RPS17: variants seen among roughly 807,000 people sequenced by gnomAD.
RPS17 encodes ribosomal protein S17, also known as small ribosomal subunit protein eS17.
For synonymous variants in RPS17, 75 were observed against 65.6 expected, an observed-to-expected ratio of 1.14 and a Z score of -0.70; for missense variants, 68 against 182.3, an observed-to-expected ratio of 0.37 and a Z score of 3.61.
intron 1 of RPS17, 22 bp from the exon 2 acceptor site, chr15:82,540,154 T>C: frequency 1.9e-6 from 3 of 1,613,616 alleles, no homozygotes; most frequent in Non-Finnish European, 2.5e-6. Flanking sequence ...GAGGACAGGA[T>C]CACTCACGAG....
intron 1 of RPS17, 38 bp from the exon 2 acceptor site, chr15:82,540,170 G>A (rs1184035523): frequency 1.9e-6 from 3 of 1,613,592 alleles, no homozygotes; most frequent in Non-Finnish European, 2.5e-6. Context: ...ACGAGCCAGC[G>A]CAACCTTCTG....
rs1189553993 is a variant in RPS17 at position 82,537,038 on chromosome 15, C to T, written c.328-157G>A. On this transcript the variant is annotated intron_variant, in intron 4 of 4. Transcript: ENST00000647841. ...AGCCAACAGGGTTCTCAATGCCTCC[C>T]ACTTTTCCAGAGTGATCTTCCTTCA... 6 of 757,884 alleles carry T rather than the reference C, an allele frequency of 7.9e-6. No homozygotes were observed. The African/African-American group carries it at 1.0e-4, about 13-fold the overall frequency. The allele number at this position is 757,884 out of a possible 1,614,324, so 46.9% of individuals were successfully genotyped here.
At chr15:82,538,455 T>C in intron 3 of RPS17, 84 bp from the exon 4 acceptor site, 2 of 1,462,232 alleles carry the variant, frequency 1.4e-6, no homozygotes, top group African/African-American at 1.4e-5. Flanking sequence ...GGTTCTTAAA[T>C]ATGGGGAAGA....
At chr15:82,540,314 G>C in intron 1 of RPS17, 112 bp downstream of exon 1, 3 of 1,582,458 alleles carry the variant, frequency 1.9e-6, no homozygotes, top group Non-Finnish European at 2.6e-6. Context: ...GCTCCAGCCT[G>C]ACAGGGCTCT....
chr15:82,539,698 AG>A (rs1470796186), intron 2 of RPS17: 3 of 562,888 alleles, frequency 5.3e-6, no homozygotes, highest in Non-Finnish European at 9.5e-6. Context: ...CAAAAAAAAA[AG>A]AAAAAAAAGA....
chr15:82,538,632 A>G, intron 3 of RPS17: 1 of 645,950 alleles, frequency 1.5e-6, no homozygotes, highest in Non-Finnish European at 2.8e-6. Flanking sequence ...GGGGCAAACA[A>G]TCGAGCCACG....
chr15:82,536,781 T>C lies in RPS17; in HGVS notation c.*20A>G, dbSNP rs1246213346. The C allele has an allele frequency of 2.5e-6, 4 of 1,613,652 alleles. No homozygotes were observed. Among genetic ancestry groups the C allele is most frequent in the Non-Finnish European group, 3.4e-6 (4 of 1,179,706 alleles). ...GTTGTCCCAGATTTATTGAAAATAA[T>C]ACAGCACTACAGAAAAAATTCAAAC... On this transcript the variant is annotated 3_prime_UTR_variant, in exon 5 of 5. Transcript: ENST00000647841.
At chr15:82,539,812 T>TAAGTTCACAACAGAAATCCTGC in intron 2 of RPS17, 169 bp downstream of exon 2, 1 of 1,241,032 alleles carries the variant, frequency 8.1e-7, no homozygotes, top group Non-Finnish European at 1.2e-6. Flanking sequence ...GACACAGGCC[T>TAAGTTCACAACAGAAATCCTGC]AAGTTCACAA....
Position 82,538,333 on chromosome 15 carries a change from A to T in RPS17, c.300T>A (p.Pro100=), listed in dbSNP as rs2034276578. ...AAAGCTTCAGCATTTCCTTAGTGTC[A>T]GGATCTACTTCAATAATCTCCTGAT... ...ALDQEIIEVD[P]DTKEMLKLLD... The change falls in exon 4 of 5, where the codon CCT becomes CCA. Residue 100 remains proline (P), a synonymous_variant. Transcript: ENST00000647841. 1 of 1,613,032 alleles carries T rather than the reference A, an allele frequency of 6.2e-7. No homozygotes were observed. The highest frequency in any genetic ancestry group is 1.3e-5 in the African/African-American group (1 of 74,900).
chr15:82,538,776 T>C, intron 3 of RPS17, 104 bp downstream of exon 3: 1 of 1,216,032 alleles, frequency 8.2e-7, no homozygotes, highest in Non-Finnish European at 1.2e-6. Context: ...ATGGAATGTA[T>C]GGATTAAAGG....
At chr15:82,540,196 C>T (rs2034322871) in intron 1 of RPS17, 64 bp from the exon 2 acceptor site, 1 of 1,612,604 alleles carries the variant, frequency 6.2e-7, no homozygotes, top group African/African-American at 1.3e-5. Context: ...AGTGCGGCGC[C>T]GAGCCCCGGC....
At chr15:82,537,133 G>A in intron 4 of RPS17, 1 of 586,632 alleles carries the variant, frequency 1.7e-6, no homozygotes, top group South Asian at 2.0e-5. Flanking sequence ...CATGCCATTT[G>A]TATCTGTTTT....
intron 4 of RPS17, chr15:82,537,727 GCTA>G (rs2034265501): frequency 2.6e-6 from 1 of 390,316 alleles, no homozygotes; most frequent in African/African-American, 2.1e-5. Flanking sequence ...AGTTCATTTT[GCTA>G]CTACCTTTTT....
rs1029998181 is a variant in RPS17 at position 82,539,696 on chromosome 15, A to G, written c.155+285T>C. 1.1e-5 allele frequency: 6 copies of G among 560,780 alleles called. No individual in the cohort carries two copies. The South Asian group carries it at 1.2e-4, about 11-fold the overall frequency. The allele number at this position is 560,780 out of a possible 1,614,324, so 34.7% of individuals were successfully genotyped here. A position where few individuals can be genotyped will look rare whatever the true frequency, so the allele number is the denominator to read the frequency against. On this transcript the variant is annotated intron_variant, in intron 2 of 4. Transcript: ENST00000647841. ...AGGGCAAGATTCCGTCTCAAAAAAA[A>G]AAGAAAAAAAAGAAAGAAAAAAGTT...
chr15:82,540,149 C>A lies in RPS17; in HGVS notation c.4-17G>T, dbSNP rs1357705353. On this transcript the variant is annotated splice_polypyrimidine_tract_variant and intron_variant, in intron 1 of 4. Coordinates refer to ENST00000647841, the MANE Select transcript of RPS17 (RefSeq NM_001021.6). ...AACGCGGCCCTGCGGGTGGAGAGGA[C>A]AGGATCACTCACGAGCCAGCGCAAC... is the stretch of plus-strand genomic sequence containing the variant. The A allele has an allele frequency of 6.2e-7, 1 of 1,613,600 alleles. No homozygotes were observed. Among genetic ancestry groups the A allele is most frequent in the Admixed American group, 1.7e-5 (1 of 60,008 alleles).
intron 2 of RPS17, chr15:82,539,229 G>GCCCCCCCCCC: frequency 1.7e-6 from 1 of 592,738 alleles, no homozygotes; most frequent in South Asian, 1.6e-5. Flanking sequence ...CCCCCAACTC[G>GCCCCCCCCCC]CCCCGCCCCG....
intron 4 of RPS17, 190 bp from the exon 5 acceptor site, chr15:82,537,071 C>T: frequency 2.9e-6 from 2 of 685,422 alleles, no homozygotes; most frequent in South Asian, 3.2e-5. Flanking sequence ...TCAACACACA[C>T]CTGACCATGT....
Position 82,539,844 on chromosome 15 carries a change from G to A in RPS17, c.155+137C>T, listed in dbSNP as rs1358034528. On this transcript the variant is annotated intron_variant, in intron 2 of 4. Coordinates refer to ENST00000647841, the MANE Select transcript of RPS17 (RefSeq NM_001021.6). ...ACAACAGAAATCCTGCACACGCAGAGCTCTAGCCCTTCTCCGGGACACCAG... is the reference window on the plus strand; with the variant it reads ...ACAACAGAAATCCTGCACACGCAGAACTCTAGCCCTTCTCCGGGACACCAG... The A allele has an allele frequency of 6.3e-6, 9 of 1,425,540 alleles. No homozygotes were observed. In the Admixed American group the frequency reaches 1.2e-4, roughly 19 times the overall value. The allele number at this position is 1,425,540 out of a possible 1,614,324, so 88.3% of individuals were successfully genotyped here.
At position 82,540,024 on chromosome 15, in the gene RPS17, T is replaced by C. The variant is rs1331264876; in HGVS notation, c.112A>G (p.Ile38Val). 1 of 1,612,174 alleles carries C rather than the reference T, an allele frequency of 6.2e-7. No individual in the cohort carries two copies. The highest frequency in any genetic ancestry group is 8.5e-7 in the Non-Finnish European group (1 of 1,179,864). Residue 38 changes from isoleucine (I) to valine (V), a missense_variant, in exon 2 of 5, where the codon ATC (isoleucine) becomes GTC (valine). Transcript: ENST00000647841. ...AGCTTTTTGCTGGGGATAATGGCGA[T>C]CTCCTCGCACACGCGCTTGTTCGTG... is the stretch of plus-strand genomic sequence containing the variant. ...FHTNKRVCEEIAIIPSKKLRN... is the reference protein window; with the variant it reads ...FHTNKRVCEEVAIIPSKKLRN...
Sources: gnomAD v4.1 joint callset for allele counts on GRCh38, gnomAD v4.1.1 for gene constraint, MANE v1.5 for transcripts, NCBI Gene and HGNC (gene_info 2026-07-23, HGNC 2026-07-21) for gene names.